Variants in WSCD2 observed in about 807,000 individuals in gnomAD.
WSCD2 encodes the protein sialate:O-sulfotransferase 2.
In WSCD2, 28 loss-of-function variants were observed where a neutral mutation model predicts 55.7. That is an observed-to-expected ratio of 0.50 (90% CI 0.37 to 0.69). The LOEUF (loss-of-function observed/expected upper bound fraction) is 0.69, where lower values mean the gene tolerates loss of function less well. WSCD2 is among the 30% of genes least tolerant of loss of function. The pLI is 0.00. For missense variants in WSCD2, 616 were observed against 762.1 expected (o/e 0.81, Z 2.26); for synonymous variants, 301 against 301.9 (o/e 1.00, Z 0.03).
intron 1 of WSCD2, among the ~76,000 whole-genome samples, chr12:108,160,119 C>T (rs1428019220): frequency 6.6e-6 from 1 of 152,146 alleles, no homozygotes; most frequent in Non-Finnish European, 1.5e-5. Flanking sequence ...CCAAGGATGG[C>T]TGCTGAAGGT....
At chr12:108,168,691 C>G (rs1460183492) in intron 1 of WSCD2, among the ~76,000 whole-genome samples, 1 of 152,184 alleles carries the variant, frequency 6.6e-6, no homozygotes, top group African/African-American at 2.4e-5. Flanking sequence ...TAGGGCTGGG[C>G]TCAGCAAATG....
At chr12:108,135,201 A>G (rs746473682) in intron 1 of WSCD2, among the ~76,000 whole-genome samples, 5 of 152,216 alleles carry the variant, frequency 3.3e-5, no homozygotes, top group Non-Finnish European at 4.4e-5. Context: ...TTCATTCAGC[A>G]TCAGTATTTG....
rs147883057 is a variant in WSCD2, at chr12:108,134,396, G to A, written c.-552+4470G>A. On this transcript the variant is annotated intron_variant, in intron 1 of 8. Coordinates refer to ENST00000547525, the MANE Select transcript of WSCD2 (RefSeq NM_014653.4). ...GGAAGAGATAGTGTACCCATTCCAA[G>A]CTTAGGCCTTAGGGAACCTTGTGTG... Among the ~76,000 whole-genome samples the A allele has an allele frequency of 2.3e-3, 355 of 152,314 alleles. 2 individuals are homozygous for A. The highest frequency in any genetic ancestry group is 8.2e-3 in the African/African-American group (339 of 41,556).
At chr12:108,226,304 C>G (rs1000952069) in intron 5 of WSCD2, among the ~76,000 whole-genome samples, 1 of 152,038 alleles carries the variant, frequency 6.6e-6, no homozygotes, top group East Asian at 1.9e-4. Flanking sequence ...CTTAGCTGTT[C>G]AATAGAACAA....
At chr12:108,156,775 G>A (rs942073195) in intron 1 of WSCD2, among the ~76,000 whole-genome samples, 28 of 152,148 alleles carry the variant, frequency 1.8e-4, no homozygotes, top group Non-Finnish European at 3.2e-4. Flanking sequence ...GAGGCTCCTC[G>A]CTCCCAGATG....
At chr12:108,191,568 C>G (rs1260368566) in intron 1 of WSCD2, among the ~76,000 whole-genome samples, 1 of 152,218 alleles carries the variant, frequency 6.6e-6, no homozygotes, top group Non-Finnish European at 1.5e-5. Context: ...CCAAGGCTGT[C>G]ACCTGAGTGT....
intron 1 of WSCD2, among the ~76,000 whole-genome samples, chr12:108,171,224 G>T (rs1434574158): frequency 1.3e-5 from 2 of 152,168 alleles, no homozygotes; most frequent in African/African-American, 4.8e-5. Context: ...AAAAATCCAC[G>T]ATCACCATCT....
intron 1 of WSCD2, among the ~76,000 whole-genome samples, chr12:108,150,416 C>T (rs1231062599): frequency 3.3e-5 from 5 of 152,022 alleles, no homozygotes; most frequent in South Asian, 2.1e-4. Flanking sequence ...TGGTTTATTT[C>T]GGGGGACTGA....
chr12:108,192,008 T>C (rs910087800), intron 1 of WSCD2, among the ~76,000 whole-genome samples: 2 of 152,126 alleles, frequency 1.3e-5, no homozygotes, highest in Non-Finnish European at 2.9e-5. Context: ...TGTTGGAATA[T>C]GAAAGAACGA....
chr12:108,143,993 C>T (rs966498855), intron 1 of WSCD2, among the ~76,000 whole-genome samples: 9 of 152,070 alleles, frequency 5.9e-5, no homozygotes, highest in Non-Finnish European at 8.8e-5. Context: ...CACAGCTTCT[C>T]CCAGCCCCAG....
intron 1 of WSCD2, among the ~76,000 whole-genome samples, chr12:108,146,763 T>C (rs949962887): frequency 5.3e-5 from 8 of 152,190 alleles, no homozygotes; most frequent in African/African-American, 1.9e-4. Context: ...CCTCCCTTTC[T>C]GCACAGACTG....
chr12:108,181,275 G>A (rs1470678000), intron 1 of WSCD2, among the ~76,000 whole-genome samples: 2 of 152,116 alleles, frequency 1.3e-5, no homozygotes, highest in East Asian at 3.9e-4. Context: ...TATTCCTGGG[G>A]GTGTGTGGGC....
At chr12:108,247,945 C>T in intron 8 of WSCD2, 46 bp from the exon 9 acceptor site, 2 of 1,578,118 alleles carry the variant, frequency 1.3e-6, no homozygotes, top group Non-Finnish European at 1.7e-6. Flanking sequence ...CTGGGTCTTT[C>T]AAACTCCTCC....
chr12:108,133,992 C>A (rs1875897684), intron 1 of WSCD2, among the ~76,000 whole-genome samples: 1 of 152,192 alleles, frequency 6.6e-6, no homozygotes, highest in African/African-American at 2.4e-5. Context: ...TAATGGCTCC[C>A]TGGAGCAGGT....
At chr12:108,237,502 G>A (rs1889363213) in intron 7 of WSCD2, among the ~76,000 whole-genome samples, 1 of 152,232 alleles carries the variant, frequency 6.6e-6, no homozygotes, top group African/African-American at 2.4e-5. Context: ...TAGTGGTGGA[G>A]TCCGGCAATT....
At chr12:108,132,523 A>T (rs1875690052) in intron 1 of WSCD2, among the ~76,000 whole-genome samples, 1 of 151,648 alleles carries the variant, frequency 6.6e-6, no homozygotes, top group South Asian at 2.1e-4. Flanking sequence ...TGGATTTGTG[A>T]GTGTGCGTGT....
chr12:108,213,409 G>A (rs959318016), intron 4 of WSCD2, among the ~76,000 whole-genome samples: 1 of 152,178 alleles, frequency 6.6e-6, no homozygotes, highest in East Asian at 1.9e-4. Context: ...ATGATCAAAA[G>A]TCCAGAGTCA....
At chr12:108,177,031 G>T (rs1880968754) in intron 1 of WSCD2, among the ~76,000 whole-genome samples, 1 of 152,052 alleles carries the variant, frequency 6.6e-6, no homozygotes, top group African/African-American at 2.4e-5. Context: ...GGAGGCAGCT[G>T]ATGTCAGTAG....
At chr12:108,237,369 C>T (rs1227419190) in intron 7 of WSCD2, among the ~76,000 whole-genome samples, 1 of 152,224 alleles carries the variant, frequency 6.6e-6, no homozygotes, top group South Asian at 2.1e-4. Context: ...TTGAGGGTCA[C>T]ATGGGTGCCC....
Sources: gnomAD v4.1 joint callset for allele counts (sites outside exome capture counted in the v4.1 genomes callset) on GRCh38, gnomAD v4.1.1 for gene constraint, MANE v1.5 for transcripts, NCBI Gene and HGNC (gene_info 2026-07-23, HGNC 2026-07-21) for gene names.